Variants in NRG1 observed in about 807,000 individuals in gnomAD.
The protein encoded by NRG1 is pro-neuregulin-1, membrane-bound isoform.
NRG1 carries 18 observed loss-of-function variants against 63.8 expected under a neutral mutation model. The ratio of observed to expected loss-of-function variants is 0.28; its 90% CI spans 0.19 to 0.42. NRG1 has a LOEUF of 0.42. Ranked by LOEUF, NRG1 falls within the 10% of genes least tolerant of loss-of-function variation. The probability of loss-of-function intolerance (pLI) is 1.00; values close to 1 mark genes in which losing one functional copy is unlikely to be tolerated. For missense variants in NRG1, 762 were observed against 814.7 expected (o/e 0.94, Z 0.79); for synonymous variants, 302 against 301.3 (o/e 1.00, Z -0.02).
At chr8:32,122,290 G>C (rs553625762) in intron 1 of NRG1, among the ~76,000 whole-genome samples, 3 of 152,038 alleles carry the variant, frequency 2.0e-5, no homozygotes, top group African/African-American at 7.2e-5. Context: ...AGTAGGGGTG[G>C]GACAGCTCCC....
intron 1 of NRG1, among the ~76,000 whole-genome samples, chr8:32,333,349 G>A (rs953159560): frequency 3.3e-5 from 5 of 152,116 alleles, no homozygotes; most frequent in Non-Finnish European, 4.4e-5. Context: ...ATTCCACAGT[G>A]TAGATGTATC....
chr8:32,175,649 T>C (rs1840635832), intron 1 of NRG1, among the ~76,000 whole-genome samples: 2 of 152,116 alleles, frequency 1.3e-5, no homozygotes. Flanking sequence ...GGATACAAAA[T>C]CAATGTACAA....
intron 1 of NRG1, among the ~76,000 whole-genome samples, chr8:32,179,446 T>C (rs1235951259): frequency 3.3e-5 from 5 of 152,164 alleles, no homozygotes; most frequent in Non-Finnish European, 7.3e-5. Flanking sequence ...AGGATTTTCG[T>C]CTATTTATTT....
chr8:31,961,455 C>T (rs767555891), intron 1 of NRG1, among the ~76,000 whole-genome samples: 2 of 152,074 alleles, frequency 1.3e-5, no homozygotes, highest in Non-Finnish European at 2.9e-5. Flanking sequence ...AAAAGAATTC[C>T]ATTGTTGTCT....
At chr8:32,093,898 T>C (rs145877164) in intron 1 of NRG1, among the ~76,000 whole-genome samples, 1 of 152,332 alleles carries the variant, frequency 6.6e-6, no homozygotes, top group African/African-American at 2.4e-5. Flanking sequence ...CTTGAAATTC[T>C]TACTCACTGC....
chr8:31,760,226 A>G (rs1053672405), intron 1 of NRG1, among the ~76,000 whole-genome samples: 8 of 152,104 alleles, frequency 5.3e-5, no homozygotes, highest in Admixed American at 3.3e-4. Flanking sequence ...TAATTTTTGT[A>G]TAAGGTGTAA....
intron 1 of NRG1, among the ~76,000 whole-genome samples, chr8:31,657,075 T>C (rs1805499753): frequency 6.6e-6 from 1 of 152,220 alleles, no homozygotes; most frequent in African/African-American, 2.4e-5. Flanking sequence ...TCTCATTGTC[T>C]AGGAAGCTGC....
chr8:32,725,046 A>T (rs1040241192), intron 5 of NRG1, among the ~76,000 whole-genome samples: 10 of 152,324 alleles, frequency 6.6e-5, no homozygotes, highest in African/African-American at 2.4e-4. Flanking sequence ...TGATGATCTC[A>T]TAAAATCAGA....
intron 1 of NRG1, among the ~76,000 whole-genome samples, chr8:32,242,983 T>G (rs1848256560): frequency 6.6e-6 from 1 of 152,086 alleles, no homozygotes; most frequent in African/African-American, 2.4e-5. Context: ...GTTGGCAGCT[T>G]TGGTTCCTTC....
At chr8:32,001,976 C>G (rs1375653074) in intron 1 of NRG1, among the ~76,000 whole-genome samples, 4 of 151,950 alleles carry the variant, frequency 2.6e-5, no homozygotes, top group African/African-American at 9.7e-5. Flanking sequence ...CTTAAGGAGT[C>G]AGGAATTACT....
intron 1 of NRG1, among the ~76,000 whole-genome samples, chr8:31,694,048 G>A (rs1304149500): frequency 1.3e-5 from 2 of 152,188 alleles, no homozygotes; most frequent in East Asian, 3.9e-4. Flanking sequence ...TTACCATGTT[G>A]CCCAGGCTGG....
intron 1 of NRG1, among the ~76,000 whole-genome samples, chr8:32,257,181 C>T (rs1849821477): frequency 6.6e-6 from 1 of 152,172 alleles, no homozygotes; most frequent in South Asian, 2.1e-4. Flanking sequence ...GCTATGCTGG[C>T]AGCGAGAATT....
intron 1 of NRG1, among the ~76,000 whole-genome samples, chr8:31,859,974 C>A (rs895341636): frequency 3.8e-4 from 58 of 152,190 alleles, no homozygotes; most frequent in African/African-American, 1.4e-3. Context: ...CCCCCTCTAG[C>A]AAAACCATGC....
chr8:31,785,529 A>T (rs2131633024), intron 1 of NRG1, among the ~76,000 whole-genome samples: 1 of 152,268 alleles, frequency 6.6e-6, no homozygotes, highest in East Asian at 1.9e-4. Context: ...CTTTATTGAG[A>T]TATAGCTTCT....
intron 1 of NRG1, among the ~76,000 whole-genome samples, chr8:31,722,915 A>G (rs1407918449): frequency 6.6e-6 from 1 of 152,120 alleles, no homozygotes; most frequent in Admixed American, 6.6e-5. Context: ...TTAAATGTAA[A>G]CTATTTTGGT....
chr8:31,859,379 C>T (rs1216891653), intron 1 of NRG1, among the ~76,000 whole-genome samples: 1 of 152,090 alleles, frequency 6.6e-6, no homozygotes, highest in Admixed American at 6.6e-5. Flanking sequence ...GAGGTGCAGT[C>T]ATTTTTGTGA....
chr8:32,143,993 C>T (rs1015275450), intron 1 of NRG1, among the ~76,000 whole-genome samples: 4 of 152,198 alleles, frequency 2.6e-5, no homozygotes, highest in African/African-American at 4.8e-5. Flanking sequence ...TTTCTCCTCC[C>T]ATGAGGCTAT....
chr8:31,952,762 C>A (rs987376724), intron 1 of NRG1, among the ~76,000 whole-genome samples: 2 of 152,142 alleles, frequency 1.3e-5, no homozygotes, highest in African/African-American at 4.8e-5. Context: ...TGACCCAGAC[C>A]GCAAAATGTC....
chr8:32,154,552 C>T (rs192319903), intron 1 of NRG1, among the ~76,000 whole-genome samples: 39 of 152,100 alleles, frequency 2.6e-4, no homozygotes, highest in Non-Finnish European at 4.7e-4. Context: ...TCCTTCCTTC[C>T]TTCCTCTGCA....
Sources: gnomAD v4.1 joint callset for allele counts (sites outside exome capture counted in the v4.1 genomes callset) on GRCh38, gnomAD v4.1.1 for gene constraint, MANE v1.5 for transcripts, NCBI Gene and HGNC (gene_info 2026-07-23, HGNC 2026-07-21) for gene names.